MAML2: variants seen among roughly 807,000 people sequenced by gnomAD.
MAML2 encodes the protein mastermind like transcriptional coactivator 2.
In MAML2, 22 loss-of-function variants were observed where a neutral mutation model predicts 96.1. The ratio of observed to expected loss-of-function variants is 0.23; its 90% CI spans 0.16 to 0.33. The LOEUF (loss-of-function observed/expected upper bound fraction) is 0.33. Ranked by LOEUF, MAML2 falls within the 10% of genes least tolerant of loss-of-function variation. The pLI, the probability that MAML2 is intolerant of heterozygous loss-of-function variation, is 1.00. For synonymous variants in MAML2, 561 were observed against 521.3 expected (o/e 1.08, Z -1.04); for missense variants, 1,367 against 1,392.4 (o/e 0.98, Z 0.29).
intron 3 of MAML2, among the ~76,000 whole-genome samples, chr11:95,989,511 ACC>A (rs1565182277): frequency 6.6e-6 from 1 of 152,138 alleles, no homozygotes; most frequent in East Asian, 1.9e-4. Context: ...CTGAAAATCA[ACC>A]TCTGTGTGTT....
intron 1 of MAML2, among the ~76,000 whole-genome samples, chr11:96,284,484 C>CCAAT (rs1282075056): frequency 3.5e-4 from 53 of 152,316 alleles, no homozygotes; most frequent in Admixed American, 5.9e-4. Context: ...GTTCTCAACA[C>CCAAT]TGAATTGATA....
chr11:96,334,114 C>A (rs1863887649), intron 1 of MAML2, among the ~76,000 whole-genome samples: 1 of 152,074 alleles, frequency 6.6e-6, no homozygotes, highest in Admixed American at 6.5e-5. Context: ...GAAATCTATC[C>A]CAGGTGATGT....
chr11:96,168,403 A>C (rs1861226277), intron 1 of MAML2, among the ~76,000 whole-genome samples: 1 of 152,170 alleles, frequency 6.6e-6, no homozygotes, highest in East Asian at 1.9e-4. Flanking sequence ...AGACCATATC[A>C]TCTCATTCCC....
intron 1 of MAML2, among the ~76,000 whole-genome samples, chr11:96,252,158 T>C (rs1337205994): frequency 6.6e-6 from 1 of 151,908 alleles, no homozygotes; most frequent in African/African-American, 2.4e-5. Context: ...TTGGGAAATA[T>C]GTGCTTCTCT....
chr11:96,204,068 C>G (rs550326), intron 1 of MAML2, among the ~76,000 whole-genome samples: 105,129 of 151,938 alleles, frequency 0.69, 36,595 homozygotes, highest in Middle Eastern at 0.77. Context: ...ATCCCTAGGC[C>G]TGAAGGACTG....
At chr11:96,338,358 C>T (rs1053357145) in intron 1 of MAML2, among the ~76,000 whole-genome samples, 3 of 152,250 alleles carry the variant, frequency 2.0e-5, no homozygotes, top group Non-Finnish European at 4.4e-5. Flanking sequence ...TTCCCCTGAA[C>T]TTGTACTTGA....
rs575414138 is a variant in MAML2 at position 95,988,547 on chromosome 11, T to A, written c.2344-2905A>T. On this transcript the variant is annotated intron_variant, in intron 3 of 4. Transcript: ENST00000524717. ...ATATATAATATTTATAGTATATATATTTATATTATATATATTTACATTATT... is the reference window on the plus strand; with the variant it reads ...ATATATAATATTTATAGTATATATAATTATATTATATATATTTACATTATT... Among the ~76,000 whole-genome samples the A allele has an allele frequency of 4.1e-5, 6 of 147,702 alleles. No individual in the cohort carries two copies. The East Asian group carries it at 1.2e-3, about 29-fold the overall frequency.
chr11:96,234,404 C>G (rs564766093), intron 1 of MAML2, among the ~76,000 whole-genome samples: 1 of 152,194 alleles, frequency 6.6e-6, no homozygotes, highest in East Asian at 1.9e-4. Context: ...TCACTTGAAC[C>G]CGGGAGGCGG....
chr11:96,274,295 G>A (rs1452080276), intron 1 of MAML2, among the ~76,000 whole-genome samples: 2 of 151,868 alleles, frequency 1.3e-5, no homozygotes, highest in East Asian at 3.9e-4. Context: ...TGTTAGCCAG[G>A]ATGGTCTCGA....
intron 2 of MAML2, among the ~76,000 whole-genome samples, chr11:96,061,888 T>C (rs1417294406): frequency 6.6e-6 from 1 of 152,160 alleles, no homozygotes; most frequent in Admixed American, 6.5e-5. Context: ...AGATATACAT[T>C]CCAAGTAAGG....
intron 1 of MAML2, among the ~76,000 whole-genome samples, chr11:96,233,589 G>A (rs1862326756): frequency 6.6e-6 from 1 of 151,976 alleles, no homozygotes; most frequent in Non-Finnish European, 1.5e-5. Flanking sequence ...TAAATTTTTT[G>A]TAGAGACAGG....
intron 1 of MAML2, among the ~76,000 whole-genome samples, chr11:96,245,405 T>A (rs1301999848): frequency 6.6e-6 from 1 of 152,194 alleles, no homozygotes; most frequent in East Asian, 1.9e-4. Flanking sequence ...AGAGCTCACA[T>A]GGAACTTGGT....
intron 2 of MAML2, among the ~76,000 whole-genome samples, chr11:95,999,986 C>T (rs1015485254): frequency 2.6e-5 from 4 of 152,096 alleles, no homozygotes; most frequent in African/African-American, 7.2e-5. Context: ...AACTGTCTGC[C>T]GATGAAGCCA....
intron 1 of MAML2, among the ~76,000 whole-genome samples, chr11:96,169,773 G>C (rs1861253469): frequency 6.6e-6 from 1 of 151,488 alleles, no homozygotes; most frequent in Non-Finnish European, 1.5e-5. Context: ...TCCTGCCTCA[G>C]CCTCCTGAGT....
intron 1 of MAML2, among the ~76,000 whole-genome samples, chr11:96,169,394 T>C (rs118183619): frequency 1.3e-5 from 2 of 152,352 alleles, no homozygotes; most frequent in Non-Finnish European, 2.9e-5. Flanking sequence ...CATCTAGCAC[T>C]TTCTCCAAAT....
At chr11:96,122,924 T>C (rs1860375071) in intron 1 of MAML2, among the ~76,000 whole-genome samples, 1 of 152,250 alleles carries the variant, frequency 6.6e-6, no homozygotes, top group Non-Finnish European at 1.5e-5. Flanking sequence ...CCCACTTGCC[T>C]GATGGGCATG....
chr11:96,162,587 G>A (rs895681253), intron 1 of MAML2, among the ~76,000 whole-genome samples: 10 of 151,746 alleles, frequency 6.6e-5, no homozygotes, highest in African/African-American at 1.5e-4. Flanking sequence ...GGTGCATGCC[G>A]GTAATCCCAG....
intron 1 of MAML2, among the ~76,000 whole-genome samples, chr11:96,127,015 T>C (rs929043765): frequency 6.6e-6 from 1 of 152,202 alleles, no homozygotes; most frequent in Non-Finnish European, 1.5e-5. Context: ...TCATCACTTG[T>C]TGACCCGGTG....
chr11:96,083,831 T>C (rs1181124268), intron 2 of MAML2, among the ~76,000 whole-genome samples: 2 of 152,030 alleles, frequency 1.3e-5, no homozygotes, highest in Non-Finnish European at 2.9e-5. Context: ...TGGGGGAGAT[T>C]CACAAGAACA....
Sources: gnomAD v4.1 joint callset for allele counts (sites outside exome capture counted in the v4.1 genomes callset) on GRCh38, gnomAD v4.1.1 for gene constraint, MANE v1.5 for transcripts, NCBI Gene and HGNC (gene_info 2026-07-23, HGNC 2026-07-21) for gene names.